SPATA6: variants seen among roughly 807,000 people sequenced by gnomAD.
The protein encoded by SPATA6 is spermatogenesis-associated protein 6.
A neutral mutation model predicts 65.3 loss-of-function variants in SPATA6; 56 were observed. The observed-to-expected ratio is 0.86, with a 90% confidence interval of 0.69 to 1.07. The LOEUF (loss-of-function observed/expected upper bound fraction) is 1.07. SPATA6 is among the 50% of genes least tolerant of loss of function. The pLI is 0.00. For missense variants in SPATA6, 590 were observed against 594.8 expected (o/e 0.99, Z 0.08); for synonymous variants, 199 against 213.2 (o/e 0.93, Z 0.58).
intron 11 of SPATA6, among the ~76,000 whole-genome samples, chr1:48,319,410 G>A (rs1645534154): frequency 6.6e-6 from 1 of 152,128 alleles, no homozygotes; most frequent in Non-Finnish European, 1.5e-5. Flanking sequence ...TCAAAATCCA[G>A]TAATAAGGCA....
At chr1:48,380,629 T>C (rs1648452303) in intron 9 of SPATA6, among the ~76,000 whole-genome samples, 1 of 152,226 alleles carries the variant, frequency 6.6e-6, no homozygotes. Flanking sequence ...ATAATATGCA[T>C]ATGTTAGGAA....
intron 9 of SPATA6, among the ~76,000 whole-genome samples, chr1:48,381,652 T>C (rs926604169): frequency 4.8e-5 from 7 of 146,436 alleles, no homozygotes; most frequent in African/African-American, 1.8e-4. Context: ...GTTTTTCTTT[T>C]TTTTTTTTTT....
intron 9 of SPATA6, among the ~76,000 whole-genome samples, chr1:48,361,329 A>T (rs919196116): frequency 6.6e-6 from 1 of 152,138 alleles, no homozygotes; most frequent in African/African-American, 2.4e-5. Context: ...AATGTATTTT[A>T]AGGAAGGGGG....
At chr1:48,353,288 G>A (rs918476147) in intron 11 of SPATA6, among the ~76,000 whole-genome samples, 5 of 151,480 alleles carry the variant, frequency 3.3e-5, no homozygotes, top group Non-Finnish European at 7.4e-5. Flanking sequence ...ATAATGTCAC[G>A]TATGTATGTT....
chr1:48,338,609 G>A (rs1646124409), intron 11 of SPATA6, among the ~76,000 whole-genome samples: 1 of 151,938 alleles, frequency 6.6e-6, no homozygotes, highest in Admixed American at 6.6e-5. Context: ...AGATGCAAAG[G>A]CTATCTCTAA....
intron 9 of SPATA6, 115 bp downstream of exon 9, chr1:48,385,194 C>T (rs1235787575): frequency 1.1e-6 from 1 of 937,188 alleles, no homozygotes; most frequent in African/African-American, 1.7e-5. Flanking sequence ...ATTGTTTTTA[C>T]ATTTTTTACT....
rs370833601 is a variant in SPATA6 at position 48,399,559 on chromosome 1, G to T, written c.572C>A (p.Ser191Tyr). The change falls in exon 7 of 13, where the codon TCC becomes TAC. Residue 191 changes from serine to tyrosine, a missense_variant. Ser to Tyr is a moderately radical substitution (Grantham distance 144). Transcript: ENST00000371847. ...NRTSRSQKKK[S>Y]KSPERSKYCI... ...GTATTTACTTCTCTCAGGTGACTTG[G>T]ATTTTTTCTTTTGTGATCTTGATGT... is the stretch of plus-strand genomic sequence containing the variant. 3.7e-5 allele frequency: 59 copies of T among 1,612,656 alleles called. No individual in the cohort carries two copies. Among genetic ancestry groups the T allele is most frequent in the Non-Finnish European group, 4.8e-5 (57 of 1,179,248 alleles).
Position 48,380,124 on chromosome 1 carries a change from A to G in SPATA6, c.909+5185T>C, listed in dbSNP as rs572657418. ...GGGAAAGAATTCTCTTGCCTATGCA[A>G]AGTACATTCATTCAAAGAACTCATG... is the stretch of plus-strand genomic sequence containing the variant. On this transcript the variant is annotated intron_variant, in intron 9 of 12. Transcript: ENST00000371847. 2.0e-5 allele frequency among the ~76,000 whole-genome samples: 3 copies of G among 152,368 alleles called. No individual in the cohort carries two copies. The South Asian group carries it at 6.2e-4, about 32-fold the overall frequency.
chr1:48,387,477 G>C (rs1649598588), intron 8 of SPATA6, among the ~76,000 whole-genome samples: 1 of 152,148 alleles, frequency 6.6e-6, no homozygotes, highest in Non-Finnish European at 1.5e-5. Context: ...CTGCCAGCTA[G>C]GGTGCCATCA....
At position 48,359,570 on chromosome 1, in the gene SPATA6, G is replaced by T; in HGVS notation, c.1094+16C>A. On this transcript the variant is annotated intron_variant, in intron 10 of 12. Transcript: ENST00000371847. Reference sequence around the variant, plus strand: ...ATTCAAAGATCAGTACAGAAATGAAGACCGCACATAATTACCTTTCCCTGA... The same window carrying T: ...ATTCAAAGATCAGTACAGAAATGAATACCGCACATAATTACCTTTCCCTGA... 1 of 1,611,154 alleles carries T rather than the reference G, an allele frequency of 6.2e-7. No homozygotes were observed. The highest frequency in any genetic ancestry group is 1.1e-5 in the South Asian group (1 of 90,790).
intron 11 of SPATA6, among the ~76,000 whole-genome samples, chr1:48,354,692 G>C (rs1258356721): frequency 6.6e-6 from 1 of 151,976 alleles, no homozygotes; most frequent in Non-Finnish European, 1.5e-5. Flanking sequence ...TTTATATAAA[G>C]CTCAAAACGT....
At chr1:48,364,801 A>G (rs1489518008) in intron 9 of SPATA6, among the ~76,000 whole-genome samples, 5 of 152,086 alleles carry the variant, frequency 3.3e-5, no homozygotes, top group African/African-American at 1.2e-4. Context: ...TCTTTAGTTT[A>G]ATTAGATTCC....
chr1:48,440,173 C>T (rs1655327764), intron 3 of SPATA6, among the ~76,000 whole-genome samples: 1 of 152,076 alleles, frequency 6.6e-6, no homozygotes, highest in South Asian at 2.1e-4. Context: ...AACCCTCTGG[C>T]TATCGGTTAT....
At chr1:48,367,438 T>C (rs1401689053) in intron 9 of SPATA6, among the ~76,000 whole-genome samples, 2 of 152,200 alleles carry the variant, frequency 1.3e-5, no homozygotes, top group Non-Finnish European at 1.5e-5. Flanking sequence ...TCTAAGTCTC[T>C]TTGTAGGTCA....
chr1:48,299,516 G>GGAAAAAAAAAAAAAAAAA (rs761355984), intron 12 of SPATA6, among the ~76,000 whole-genome samples: 1 of 38,188 alleles, frequency 2.6e-5, no homozygotes, highest in Non-Finnish European at 4.8e-5. Flanking sequence ...CTCCGTCTCG[G>GGAAAAAAAAAAAAAAAAA]AAAAAAAAAA....
rs565345308 is a variant in SPATA6 at position 48,439,276 on chromosome 1, C to T, written c.238+12276G>A. 1.2e-4 allele frequency among the ~76,000 whole-genome samples: 18 copies of T among 152,280 alleles called. 1 individual carries two copies. The East Asian group carries it at 3.5e-3, about 29-fold the overall frequency. ...AATGCGTCGGTAAGGGCCACTAAATCTGACCTTCCTCAGTCCTCCTTGTGG... is the reference window on the plus strand; with the variant it reads ...AATGCGTCGGTAAGGGCCACTAAATTTGACCTTCCTCAGTCCTCCTTGTGG... On this transcript the variant is annotated intron_variant, in intron 3 of 12. Coordinates refer to ENST00000371847, the MANE Select transcript of SPATA6 (RefSeq NM_019073.4).
Position 48,472,166 on chromosome 1 carries a change from G to T in SPATA6, c.-158C>A, listed in dbSNP as rs1393320469. 1.2e-5 allele frequency: 7 copies of T among 574,466 alleles called. No homozygotes were observed. Among genetic ancestry groups the T allele is most frequent in the African/African-American group, 1.2e-4 (6 of 49,942 alleles). 35.6% of individuals were successfully genotyped at this position (574,466 alleles called of 1,614,324 possible). Reference sequence around the variant, plus strand: ...CCCGCGGTCCAGCCTGGGTTCCGCCGGAGAAGCAGCTGAGCGCGGGGCGCA... The same window carrying T: ...CCCGCGGTCCAGCCTGGGTTCCGCCTGAGAAGCAGCTGAGCGCGGGGCGCA... On this transcript the variant is annotated 5_prime_UTR_variant, in exon 1 of 13. Coordinates refer to ENST00000371847, the MANE Select transcript of SPATA6 (RefSeq NM_019073.4).
At position 48,297,125 on chromosome 1, in the gene SPATA6, G is replaced by GGTGTGCGTGT. The variant is rs1553138658; in HGVS notation, c.*1587_*1588insACACGCACAC. On this transcript the variant is annotated 3_prime_UTR_variant, in exon 13 of 13. Coordinates refer to ENST00000371847, the MANE Select transcript of SPATA6 (RefSeq NM_019073.4). ...TAATCCTACATATGACTCTCTAAGA[G>GGTGTGCGTGT]GTGTGTGTGTGTGTGTGTGTGTGTG... 2.8e-5 allele frequency: 4 copies of GGTGTGCGTGT among 144,582 alleles called. No individual in the cohort carries two copies. Among genetic ancestry groups the GGTGTGCGTGT allele is most frequent in the Non-Finnish European group, 6.1e-5 (4 of 65,752 alleles). 9.0% of individuals were successfully genotyped at this position (144,582 alleles called of 1,614,324 possible). A position where few individuals can be genotyped will look rare whatever the true frequency, so the allele number is the denominator to read the frequency against.
At chr1:48,428,453 CTAA>C (rs553047777) in intron 3 of SPATA6, among the ~76,000 whole-genome samples, 1 of 151,932 alleles carries the variant, frequency 6.6e-6, no homozygotes, top group Non-Finnish European at 1.5e-5. Context: ...AACTCCGTCT[CTAA>C]TAATAATAAT....
Sources: gnomAD v4.1 joint callset for allele counts (sites outside exome capture counted in the v4.1 genomes callset) on GRCh38, gnomAD v4.1.1 for gene constraint, MANE v1.5 for transcripts, NCBI Gene and HGNC (gene_info 2026-07-23, HGNC 2026-07-21) for gene names.